The following TRPS1 variants were observed in gnomAD, a reference collection of about 807,000 sequenced individuals.
The protein encoded by TRPS1 is transcriptional repressor GATA binding 1, also known as zinc finger transcription factor Trps1.
TRPS1 carries 6 observed loss-of-function variants against 101.2 expected under a neutral mutation model. The observed-to-expected ratio is 0.06, with a 90% CI of 0.03 to 0.12. The LOEUF is 0.12. Among genes scored for constraint, TRPS1 ranks in the 10% least tolerant of loss-of-function variants. The pLI, the probability that TRPS1 is intolerant of heterozygous loss-of-function variation, is 1.00. For missense variants in TRPS1, 1,363 were observed against 1,567.0 expected (o/e 0.87, Z 2.20); for synonymous variants, 578 against 589.8 (o/e 0.98, Z 0.29).
intron 1 of TRPS1, among the ~76,000 whole-genome samples, chr8:115,663,576 G>A (rs1174604189): frequency 6.6e-6 from 1 of 151,814 alleles, no homozygotes; most frequent in Admixed American, 6.6e-5. Flanking sequence ...TATCCTTAAT[G>A]TCTTCTTTGG....
At chr8:115,467,712 A>G (rs1003073650) in intron 5 of TRPS1, among the ~76,000 whole-genome samples, 11 of 152,202 alleles carry the variant, frequency 7.2e-5, no homozygotes, top group Non-Finnish European at 1.6e-4. Context: ...CTGACGTTCA[A>G]TAGGATAAGA....
chr8:115,460,973 A>AC (rs1424123211), intron 5 of TRPS1, among the ~76,000 whole-genome samples: 1 of 152,192 alleles, frequency 6.6e-6, no homozygotes, highest in Non-Finnish European at 1.5e-5. Context: ...AGAAGTATTT[A>AC]CAAGGCCCCA....
In TRPS1 at chr8:115,642,849, A is replaced by AAAT. The variant is rs981274987; in HGVS notation, c.-121-19092_-121-19091insATT. On this transcript the variant is annotated intron_variant, in intron 1 of 6. Coordinates refer to ENST00000395715, the MANE Select transcript of TRPS1 (RefSeq NM_014112.5). ...AAAGCATGCTTACTTCGTGAAAAAA[A>AAAT]ATATATATATATATAAATATATATA... Among the ~76,000 whole-genome samples, 49 of 146,036 alleles carry AAAT rather than the reference A, an allele frequency of 3.4e-4. 1 individual carries two copies. Among genetic ancestry groups the AAAT allele is most frequent in the African/African-American group, 1.0e-3 (40 of 40,134 alleles).
At chr8:115,532,185 C>T (rs1816149920) in intron 5 of TRPS1, among the ~76,000 whole-genome samples, 1 of 151,656 alleles carries the variant, frequency 6.6e-6, no homozygotes. Flanking sequence ...ATAATTGGTC[C>T]AATACTTCTG....
At chr8:115,534,108 C>G (rs921304542) in intron 5 of TRPS1, among the ~76,000 whole-genome samples, 2 of 148,946 alleles carry the variant, frequency 1.3e-5, no homozygotes, top group African/African-American at 2.5e-5. Context: ...AGCTCTAACC[C>G]TGATACCATC....
chr8:115,510,448 T>C (rs1256652817), intron 5 of TRPS1, among the ~76,000 whole-genome samples: 1 of 151,938 alleles, frequency 6.6e-6, no homozygotes, highest in Non-Finnish European at 1.5e-5. Flanking sequence ...CCAAAAACTA[T>C]TAATCTGTTC....
At chr8:115,492,242 A>C (rs1248003950) in intron 5 of TRPS1, 3 of 456,190 alleles carry the variant, frequency 6.6e-6, no homozygotes, top group Non-Finnish European at 1.3e-5. Flanking sequence ...TTGCTAAACA[A>C]GGACTCAGAG....
intron 4 of TRPS1, among the ~76,000 whole-genome samples, chr8:115,598,079 C>T (rs1292058077): frequency 6.6e-6 from 1 of 152,172 alleles, no homozygotes; most frequent in African/African-American, 2.4e-5. Context: ...ACATGTCTAA[C>T]ACTTCCCACA....
chr8:115,482,135 C>T (rs1162015105), intron 5 of TRPS1, among the ~76,000 whole-genome samples: 1 of 152,124 alleles, frequency 6.6e-6, no homozygotes, highest in African/African-American at 2.4e-5. Context: ...TTTGGTGAAC[C>T]ATTCTTTAAA....
intron 5 of TRPS1, among the ~76,000 whole-genome samples, chr8:115,429,406 T>G (rs1204740167): frequency 1.3e-5 from 2 of 152,182 alleles, no homozygotes; most frequent in African/African-American, 4.8e-5. Context: ...ACCACCAGAT[T>G]AGCTCAAGGT....
intron 4 of TRPS1, among the ~76,000 whole-genome samples, chr8:115,589,517 A>T (rs1381103204): frequency 1.3e-5 from 2 of 152,208 alleles, no homozygotes; most frequent in African/African-American, 4.8e-5. Flanking sequence ...TACTTTTTAC[A>T]GAAGATTGTT....
intron 6 of TRPS1, among the ~76,000 whole-genome samples, chr8:115,415,367 CATCATTTAGTGATGAAACGGTGT>C (rs1288610075): frequency 4.0e-4 from 61 of 152,076 alleles, no homozygotes; most frequent in Non-Finnish European, 2.8e-4. Context: ...TTTGAGATTG[CATCATTTAGTGATGAAACGGTGT>C]AGAAAGTCAC....
chr8:115,444,810 C>T (rs1050526269), intron 5 of TRPS1, among the ~76,000 whole-genome samples: 2 of 152,166 alleles, frequency 1.3e-5, no homozygotes, highest in African/African-American at 4.8e-5. Context: ...GCACCAACTT[C>T]CTCCACCATA....
intron 2 of TRPS1, among the ~76,000 whole-genome samples, chr8:115,620,514 CATTT>C (rs1433829780): frequency 1.3e-5 from 2 of 152,144 alleles, no homozygotes; most frequent in South Asian, 2.1e-4. Context: ...GAATACATCA[CATTT>C]ATTTATATGG....
At chr8:115,492,267 G>A in intron 5 of TRPS1, 1 of 456,154 alleles carries the variant, frequency 2.2e-6, no homozygotes, top group Non-Finnish European at 4.4e-6. Flanking sequence ...GAATGTTCAG[G>A]AAATGTGTTT....
intron 5 of TRPS1, among the ~76,000 whole-genome samples, chr8:115,510,632 G>A (rs936719251): frequency 4.6e-5 from 7 of 151,880 alleles, no homozygotes; most frequent in Non-Finnish European, 7.4e-5. Context: ...ATTGAGTCAT[G>A]TTTCATCTTT....
chr8:115,573,706 A>G (rs1434043450), intron 5 of TRPS1, among the ~76,000 whole-genome samples: 3 of 152,182 alleles, frequency 2.0e-5, no homozygotes, highest in Non-Finnish European at 4.4e-5. Flanking sequence ...TTCTGAGATA[A>G]AGTTTTTCAA....
chr8:115,424,708 G>A (rs1221676429), intron 5 of TRPS1, among the ~76,000 whole-genome samples: 1 of 152,082 alleles, frequency 6.6e-6, no homozygotes, highest in African/African-American at 2.4e-5. Context: ...TTGTAAAAAC[G>A]TGTAACAGTT....
chr8:115,494,466 G>A lies in TRPS1; in HGVS notation c.2701-76014C>T, dbSNP rs561296264. The stretch of plus-strand genomic sequence containing the variant: ...GAGGCAATGTAGCAACAAAAAGAAC[G>A]AAAGCAAATTGCTTACGCCAAGAGG... On this transcript the variant is annotated intron_variant, in intron 5 of 6. Coordinates refer to ENST00000395715, the MANE Select transcript of TRPS1 (RefSeq NM_014112.5). Among the ~76,000 whole-genome samples the A allele has an allele frequency of 4.6e-4, 70 of 152,268 alleles. 1 individual carries two copies. Among genetic ancestry groups the A allele is most frequent in the African/African-American group, 1.6e-3 (66 of 41,558 alleles).
Sources: gnomAD v4.1 joint callset for allele counts (sites outside exome capture counted in the v4.1 genomes callset) on GRCh38, gnomAD v4.1.1 for gene constraint, MANE v1.5 for transcripts, NCBI Gene and HGNC (gene_info 2026-07-23, HGNC 2026-07-21) for gene names.